Variants in SNRPD2 observed in about 807,000 individuals in gnomAD.
SNRPD2 encodes the protein small nuclear ribonucleoprotein D2 polypeptide.
Under a neutral mutation model 11.5 loss-of-function variants are expected in SNRPD2, and 1 was observed. The ratio of observed to expected loss-of-function variants is 0.09; its 90% CI spans 0.03 to 0.41. SNRPD2 has a LOEUF of 0.41. Ranked by LOEUF, SNRPD2 falls within the 10% of genes least tolerant of loss-of-function variation. SNRPD2 has a pLI of 0.98. For synonymous variants in SNRPD2, 63 were observed against 61.5 expected, an observed-to-expected ratio of 1.02 and a Z score of -0.12; for missense variants, 77 against 154.9, an observed-to-expected ratio of 0.50 and a Z score of 2.67.
At chr19:45,690,272 C>T (rs1240823783) in intron 1 of SNRPD2, among the ~76,000 whole-genome samples, 1 of 137,450 alleles carries the variant, frequency 7.3e-6, no homozygotes, top group Non-Finnish European at 1.5e-5. Context: ...GCGGAGGCTG[C>T]AGTGAGCCGA....
Position 45,688,317 on chromosome 19 carries a change from G to T in SNRPD2, c.182+70C>A. The T allele has an allele frequency of 7.4e-7, 1 of 1,353,444 alleles. No homozygotes were observed. The highest frequency in any genetic ancestry group is 1.0e-6 in the Non-Finnish European group (1 of 960,074). The allele number at this position is 1,353,444 out of a possible 1,614,324, so 83.8% of individuals were successfully genotyped here. On this transcript the variant is annotated intron_variant, in intron 2 of 2. Transcript: ENST00000342669. The surrounding 1 kb of genome is among the most constrained non-coding windows in gnomAD (Gnocchi z 4.1). ...AGGCTTCTGAGACAGCTGTCTTTGA[G>T]CTCTTCAGACTGGAGCTGGAGTGGC...
At chr19:45,692,036 C>T (rs2146120114), upstream of SNRPD2, 1 of 1,589,262 alleles carries the variant, frequency 6.3e-7, no homozygotes, top group South Asian at 1.1e-5. Flanking sequence ...CCTGTTGCCA[C>T]AGCATTCCCC....
chr19:45,688,289 C>T lies in SNRPD2; in HGVS notation c.182+98G>A, dbSNP rs1967459224. 1 of 1,099,448 alleles carries T rather than the reference C, an allele frequency of 9.1e-7. No individual in the cohort carries two copies. The allele number at this position is 1,099,448 out of a possible 1,614,324, so 68.1% of individuals were successfully genotyped here. A position where few individuals can be genotyped will look rare whatever the true frequency, so the allele number is the denominator to read the frequency against. ...TGAGCCACCACGCCTGGCCATACAC[C>T]CCAGGCTTCTGAGACAGCTGTCTTT... On this transcript the variant is annotated intron_variant, in intron 2 of 2. Coordinates refer to ENST00000342669, the MANE Select transcript of SNRPD2 (RefSeq NM_001384647.1). The surrounding 1 kb of genome is among the most constrained non-coding windows in gnomAD (Gnocchi z 4.1).
At position 45,688,275 on chromosome 19, in the gene SNRPD2, G is replaced by A. The variant is rs899399858; in HGVS notation, c.182+112C>T. The A allele has an allele frequency of 3.7e-5, 33 of 895,202 alleles. No homozygotes were observed. Among genetic ancestry groups the A allele is most frequent in the Non-Finnish European group, 4.9e-5 (28 of 572,580 alleles). The allele number at this position is 895,202 out of a possible 1,614,324, so 55.5% of individuals were successfully genotyped here. A position where few individuals can be genotyped will look rare whatever the true frequency, so the allele number is the denominator to read the frequency against. Reference sequence around the variant, plus strand: ...TGGGATTACAGGCATGAGCCACCACGCCTGGCCATACACCCCAGGCTTCTG... The same window carrying A: ...TGGGATTACAGGCATGAGCCACCACACCTGGCCATACACCCCAGGCTTCTG... On this transcript the variant is annotated intron_variant, in intron 2 of 2. Transcript: ENST00000342669. The surrounding 1 kb of genome is among the most constrained non-coding windows in gnomAD (Gnocchi z 4.1).
rs1399910295 is a variant in SNRPD2 at position 45,687,552 on chromosome 19, C to T, written c.*1G>A. On this transcript the variant is annotated 3_prime_UTR_variant, in exon 3 of 3. Coordinates refer to ENST00000342669, the MANE Select transcript of SNRPD2 (RefSeq NM_001384647.1). This position sits in a 1 kb window ranked among gnomAD's most constrained non-coding sequence, Gnocchi z 4.1. ...GAGTTCTGTCAACAGACAGGCGGCCCCTACTTGCCGGCGATGAGCGGGTTC... is the reference window on the plus strand; with the variant it reads ...GAGTTCTGTCAACAGACAGGCGGCCTCTACTTGCCGGCGATGAGCGGGTTC... The T allele has an allele frequency of 2.5e-6, 4 of 1,614,006 alleles. No homozygotes were observed. The highest frequency in any genetic ancestry group is 3.4e-6 in the Non-Finnish European group (4 of 1,179,868).
In SNRPD2 at chr19:45,688,156, T is replaced by C. The variant is rs562960390; in HGVS notation, c.182+231A>G. ...CGTGCACCACCACGCCTGGCTTTTA[T>C]ATTTTTAGTAGAGATGGGGTTTCGC... On this transcript the variant is annotated intron_variant, in intron 2 of 2. Transcript: ENST00000342669. This position sits in a 1 kb window ranked among gnomAD's most constrained non-coding sequence, Gnocchi z 4.1. 6.6e-6 allele frequency among the ~76,000 whole-genome samples: 1 copy of C among 152,120 alleles called. No homozygotes were observed. Among genetic ancestry groups the C allele is most frequent in the African/African-American group, 2.4e-5 (1 of 41,508 alleles).
intron 1 of SNRPD2, chr19:45,690,472 G>A (rs1967509972): frequency 6.7e-6 from 1 of 150,350 alleles, no homozygotes; most frequent in Non-Finnish European, 1.5e-5. Flanking sequence ...GTGACAGAGC[G>A]AGACTCCATC....
chr19:45,689,314 T>G (rs1568534196), intron 1 of SNRPD2: 1 of 519,496 alleles, frequency 1.9e-6, no homozygotes, highest in Non-Finnish European at 3.9e-6. Context: ...CAGTCTGTTC[T>G]CCACAGAGTG....
Position 45,688,710 on chromosome 19 carries a change from T to C in SNRPD2, c.3-144A>G. ...CTGTCCTCCTGTTCAGCCTTCTGAG[T>C]ATCATCAGCTAGATGCCTAACAGAC... On this transcript the variant is annotated intron_variant, in intron 1 of 2. Coordinates refer to ENST00000342669, the MANE Select transcript of SNRPD2 (RefSeq NM_001384647.1). The surrounding 1 kb of genome is among the most constrained non-coding windows in gnomAD (Gnocchi z 4.1). 1.5e-6 allele frequency: 1 copy of C among 660,642 alleles called. No individual in the cohort carries two copies. Among genetic ancestry groups the C allele is most frequent in the Non-Finnish European group, 2.7e-6 (1 of 374,028 alleles). The allele number at this position is 660,642 out of a possible 1,614,324, so 40.9% of individuals were successfully genotyped here. A position where few individuals can be genotyped will look rare whatever the true frequency, so the allele number is the denominator to read the frequency against.
chr19:45,690,151 G>GA (rs1967500525), intron 1 of SNRPD2, among the ~76,000 whole-genome samples: 1 of 150,928 alleles, frequency 6.6e-6, no homozygotes, highest in Non-Finnish European at 1.5e-5. Context: ...CTAACACGGT[G>GA]AAACCCCGTC....
Position 45,687,752 on chromosome 19 carries a change from C to T in SNRPD2, c.183-25G>A, listed in dbSNP as rs2146113916. 17 of 1,604,412 alleles carry T rather than the reference C, an allele frequency of 1.1e-5. No individual in the cohort carries two copies. The highest frequency in any genetic ancestry group is 1.4e-5 in the Non-Finnish European group (17 of 1,173,086). Reference sequence around the variant, plus strand: ...CCTGGTGGGGAACAGGGAGGGGAGGCACTGGGCGTGAGGGGCGTGCCTCTG... The same window carrying T: ...CCTGGTGGGGAACAGGGAGGGGAGGTACTGGGCGTGAGGGGCGTGCCTCTG... On this transcript the variant is annotated intron_variant, in intron 2 of 2. Coordinates refer to ENST00000342669, the MANE Select transcript of SNRPD2 (RefSeq NM_001384647.1). This position sits in a 1 kb window ranked among gnomAD's most constrained non-coding sequence, Gnocchi z 4.1.
intron 1 of SNRPD2, chr19:45,691,655 GC>G (rs1247093387): frequency 2.0e-5 from 12 of 595,812 alleles, no homozygotes; most frequent in Non-Finnish European, 3.3e-5. Context: ...ACAGGAATGA[GC>G]CCCCGCGCCC....
chr19:45,687,830 A>G lies in SNRPD2; in HGVS notation c.183-103T>C, dbSNP rs1600329545. On this transcript the variant is annotated intron_variant, in intron 2 of 2. Transcript: ENST00000342669. The surrounding 1 kb of genome is among the most constrained non-coding windows in gnomAD (Gnocchi z 4.1). Reference sequence around the variant, plus strand: ...CCCCCTCCAGCAGCATGGCTTGGGGAAGGGTGCAGGTGCTAGGCCGGGATG... The same window carrying G: ...CCCCCTCCAGCAGCATGGCTTGGGGGAGGGTGCAGGTGCTAGGCCGGGATG... The G allele has an allele frequency of 2.1e-6, 2 of 970,816 alleles. No homozygotes were observed. The highest frequency in any genetic ancestry group is 2.9e-5 in the South Asian group (2 of 69,136). The allele number at this position is 970,816 out of a possible 1,614,324, so 60.1% of individuals were successfully genotyped here. A position where few individuals can be genotyped will look rare whatever the true frequency, so the allele number is the denominator to read the frequency against.
In SNRPD2 at chr19:45,688,711, A is replaced by G; in HGVS notation, c.3-145T>C. 3.0e-6 allele frequency: 2 copies of G among 658,772 alleles called. No homozygotes were observed. The allele number at this position is 658,772 out of a possible 1,614,324, so 40.8% of individuals were successfully genotyped here. ...TGTCCTCCTGTTCAGCCTTCTGAGT[A>G]TCATCAGCTAGATGCCTAACAGACA... On this transcript the variant is annotated intron_variant, in intron 1 of 2. Coordinates refer to ENST00000342669, the MANE Select transcript of SNRPD2 (RefSeq NM_001384647.1). This position sits in a 1 kb window ranked among gnomAD's most constrained non-coding sequence, Gnocchi z 4.1.
chr19:45,690,204 G>A (rs922790286), intron 1 of SNRPD2, among the ~76,000 whole-genome samples: 5 of 149,328 alleles, frequency 3.3e-5, no homozygotes, highest in Admixed American at 6.7e-5. Flanking sequence ...GGTGGCGGGC[G>A]CCTGTAGTCC....
chr19:45,689,672 A>G (rs1267887661), intron 1 of SNRPD2, among the ~76,000 whole-genome samples: 3 of 152,228 alleles, frequency 2.0e-5, no homozygotes, highest in Non-Finnish European at 4.4e-5. Context: ...AGATCATGCC[A>G]CTGCACTCCA....
downstream of SNRPD2, chr19:45,687,454 T>C (rs1967438092): frequency 2.5e-6 from 3 of 1,184,466 alleles, no homozygotes; most frequent in South Asian, 1.4e-5. The surrounding 1 kb of genome is among the most constrained non-coding windows in gnomAD (Gnocchi z 4.1). Flanking sequence ...TGGAAACAGA[T>C]ACCACTAGAA....
chr19:45,692,166 C>G (rs925365927), upstream of SNRPD2: 2 of 628,500 alleles, frequency 3.2e-6, no homozygotes, highest in South Asian at 2.1e-5. Flanking sequence ...TGATTCAAAC[C>G]GTTTCTTGAA....
At position 45,687,543 on chromosome 19, in the gene SNRPD2, C is replaced by G. The variant is rs750844325; in HGVS notation, c.*10G>C. ...CAGAGGAGTGAGTTCTGTCAACAGA[C>G]AGGCGGCCCCTACTTGCCGGCGATG... On this transcript the variant is annotated 3_prime_UTR_variant, in exon 3 of 3. Transcript: ENST00000342669. The surrounding 1 kb of genome is among the most constrained non-coding windows in gnomAD (Gnocchi z 4.1). 2 of 1,613,340 alleles carry G rather than the reference C, an allele frequency of 1.2e-6. No individual in the cohort carries two copies. Among genetic ancestry groups the G allele is most frequent in the South Asian group, 2.2e-5 (2 of 91,032 alleles).
Sources: gnomAD v4.1 joint callset for allele counts (sites outside exome capture counted in the v4.1 genomes callset) on GRCh38, gnomAD v4.1.1 for gene constraint, Gnocchi (gnomAD v3.1) non-coding constraint, MANE v1.5 for transcripts, NCBI Gene and HGNC (gene_info 2026-07-23, HGNC 2026-07-21) for gene names.